ST3GAL4: variants seen among roughly 807,000 people sequenced by gnomAD.
The protein encoded by ST3GAL4 is ST3 beta-galactoside alpha-2,3-sialyltransferase 4.
A neutral mutation model predicts 42.6 loss-of-function variants in ST3GAL4; 24 were observed. The ratio of observed to expected loss-of-function variants is 0.56; its 90% CI spans 0.41 to 0.79. The LOEUF is 0.79. ST3GAL4 is among the 30% of genes least tolerant of loss of function. The pLI is 0.00. For missense variants in ST3GAL4, 311 were observed against 430.8 expected, an observed-to-expected ratio of 0.72 and a Z score of 2.46; for synonymous variants, 135 against 163.2, an observed-to-expected ratio of 0.83 and a Z score of 1.32.
intron 1 of ST3GAL4, among the ~76,000 whole-genome samples, chr11:126,367,535 G>C (rs1952478650): frequency 6.6e-6 from 1 of 152,166 alleles, no homozygotes; most frequent in Non-Finnish European, 1.5e-5. Context: ...GTACCTTCCA[G>C]GTCCTGAATG....
chr11:126,382,073 G>A (rs1044544657), intron 1 of ST3GAL4, among the ~76,000 whole-genome samples: 2 of 152,126 alleles, frequency 1.3e-5, no homozygotes, highest in Non-Finnish European at 2.9e-5. Context: ...GTGACCAGAC[G>A]TTCTCTCCTG....
At chr11:126,395,641 T>C (rs540275570) in intron 1 of ST3GAL4, among the ~76,000 whole-genome samples, 2 of 152,234 alleles carry the variant, frequency 1.3e-5, no homozygotes, top group East Asian at 3.9e-4. Context: ...CCCCAAGTTG[T>C]TCTCCTGGTA....
At chr11:126,404,013 C>G (rs1954123198) in intron 1 of ST3GAL4, among the ~76,000 whole-genome samples, 1 of 152,174 alleles carries the variant, frequency 6.6e-6, no homozygotes, top group South Asian at 2.1e-4. Context: ...TGAATTAACC[C>G]AGAATTTCTA....
Position 126,363,517 on chromosome 11 carries a change from C to T in ST3GAL4, c.-61+7675C>T, listed in dbSNP as rs780850614. On this transcript the variant is annotated intron_variant, in intron 1 of 10. Coordinates refer to ENST00000444328, the MANE Select transcript of ST3GAL4 (RefSeq NM_001254757.2). The surrounding 1 kb of genome is among the most constrained non-coding windows in gnomAD (Gnocchi z 4.6). ...CTCCTGTTGGCAGCTCCAGCATTTT[C>T]GAACAAAAATGGCTCTTCCAGGAGT... is the stretch of plus-strand genomic sequence containing the variant. 1.2e-4 allele frequency among the ~76,000 whole-genome samples: 18 copies of T among 152,268 alleles called. No homozygotes were observed. In the South Asian group the frequency reaches 1.4e-3, roughly 12 times the overall value.
At chr11:126,394,252 C>T (rs781367048) in intron 1 of ST3GAL4, among the ~76,000 whole-genome samples, 3 of 152,122 alleles carry the variant, frequency 2.0e-5, no homozygotes, top group African/African-American at 4.8e-5. Flanking sequence ...GAGGAGCGCC[C>T]GGGAGCCCCT....
At chr11:126,388,088 A>G (rs532461412) in intron 1 of ST3GAL4, among the ~76,000 whole-genome samples, 1 of 152,360 alleles carries the variant, frequency 6.6e-6, no homozygotes, top group East Asian at 1.9e-4. Flanking sequence ...GAAACATAGG[A>G]AACTTTGTAG....
intron 1 of ST3GAL4, among the ~76,000 whole-genome samples, chr11:126,380,205 T>G (rs1336015613): frequency 6.6e-6 from 1 of 150,714 alleles, no homozygotes; most frequent in Non-Finnish European, 1.5e-5. Context: ...GAGGTTGCAG[T>G]GTGCCGAGAT....
At chr11:126,362,162 G>A (rs972956869) in intron 1 of ST3GAL4, among the ~76,000 whole-genome samples, 3 of 147,944 alleles carry the variant, frequency 2.0e-5, no homozygotes, top group African/African-American at 7.5e-5. Context: ...GATTACAGGA[G>A]TGAGCCACCG....
rs536638206 is a variant in ST3GAL4 at position 126,393,854 on chromosome 11, C to T, written c.-60-12242C>T. 7.2e-5 allele frequency among the ~76,000 whole-genome samples: 11 copies of T among 152,272 alleles called. No homozygotes were observed. The South Asian group carries it at 1.0e-3, about 14-fold the overall frequency. On this transcript the variant is annotated intron_variant, in intron 1 of 10. Coordinates refer to ENST00000444328, the MANE Select transcript of ST3GAL4 (RefSeq NM_001254757.2). This position sits in a 1 kb window ranked among gnomAD's most constrained non-coding sequence, Gnocchi z 5.9. ...TTAAAAAGTAAAAATAGGTGAAATTCGTTTTAATATTTTAACCCAATATAG... is the reference window on the plus strand; with the variant it reads ...TTAAAAAGTAAAAATAGGTGAAATTTGTTTTAATATTTTAACCCAATATAG...
intron 1 of ST3GAL4, among the ~76,000 whole-genome samples, chr11:126,380,037 G>A (rs1304699401): frequency 2.0e-5 from 3 of 151,894 alleles, no homozygotes; most frequent in African/African-American, 4.8e-5. Flanking sequence ...TGAGGCGGGC[G>A]GATCACCTGA....
rs1413008185 is a variant in ST3GAL4, at chr11:126,392,908, C to G, written c.-60-13188C>G. ...CGGAAGAGAGGTCTGGGCTTGGGTC[C>G]CAACCACTGATTCCAGATCTCTCAA... On this transcript the variant is annotated intron_variant, in intron 1 of 10. Transcript: ENST00000444328. The surrounding 1 kb of genome is among the most constrained non-coding windows in gnomAD (Gnocchi z 5.8). 6.6e-6 allele frequency among the ~76,000 whole-genome samples: 1 copy of G among 151,688 alleles called. No homozygotes were observed. Among genetic ancestry groups the G allele is most frequent in the Non-Finnish European group, 1.5e-5 (1 of 67,954 alleles).
Position 126,392,208 on chromosome 11 carries a change from C to T in ST3GAL4, c.-60-13888C>T, listed in dbSNP as rs956630001. The stretch of plus-strand genomic sequence containing the variant: ...GGGGCTTGGTCCTGGGGTTTCATCT[C>T]AGGTTGACCCCCGTTAGGAGGAAGT... On this transcript the variant is annotated intron_variant, in intron 1 of 10. Transcript: ENST00000444328. This position sits in a 1 kb window ranked among gnomAD's most constrained non-coding sequence, Gnocchi z 5.8. 1 of 621,042 alleles carries T rather than the reference C, an allele frequency of 1.6e-6. No homozygotes were observed. The highest frequency in any genetic ancestry group is 2.0e-6 in the Non-Finnish European group (1 of 496,978). The allele number at this position is 621,042 out of a possible 1,614,324, so 38.5% of individuals were successfully genotyped here. A position where few individuals can be genotyped will look rare whatever the true frequency, so the allele number is the denominator to read the frequency against.
chr11:126,368,258 G>A (rs1277848908), intron 1 of ST3GAL4, among the ~76,000 whole-genome samples: 1 of 151,940 alleles, frequency 6.6e-6, no homozygotes, highest in East Asian at 1.9e-4. Context: ...CCCAGCACTT[G>A]GGGAGGCTGA....
chr11:126,388,660 G>GTTTTTTTTT (rs10599019), intron 1 of ST3GAL4, among the ~76,000 whole-genome samples: 45 of 79,250 alleles, frequency 5.7e-4, no homozygotes, highest in Non-Finnish European at 8.5e-4. Flanking sequence ...TAGGTTTCTT[G>GTTTTTTTTT]TTTTTTTTTT....
intron 1 of ST3GAL4, chr11:126,403,290 G>A (rs1954089638): frequency 1.4e-6 from 1 of 739,146 alleles, no homozygotes; most frequent in Non-Finnish European, 1.7e-6. Context: ...TGGGGAAGAG[G>A]TCGAAGAAGG....
At position 126,408,213 on chromosome 11, in the gene ST3GAL4, T is replaced by C. The variant is rs1222849867; in HGVS notation, c.437+19T>C. Reference sequence around the variant, plus strand: ...TCATCAGGTGTGTGTGACTGTCTCTTCCTACTGTTGTTTGGGAACTGGATG... The same window carrying C: ...TCATCAGGTGTGTGTGACTGTCTCTCCCTACTGTTGTTTGGGAACTGGATG... On this transcript the variant is annotated intron_variant, in intron 7 of 10. Coordinates refer to ENST00000444328, the MANE Select transcript of ST3GAL4 (RefSeq NM_001254757.2). The C allele has an allele frequency of 1.9e-5, 30 of 1,613,678 alleles. No homozygotes were observed. Among genetic ancestry groups the C allele is most frequent in the Non-Finnish European group, 2.5e-5 (30 of 1,179,746 alleles).
At chr11:126,402,108 A>C (rs1954031016) in intron 1 of ST3GAL4, among the ~76,000 whole-genome samples, 1 of 144,746 alleles carries the variant, frequency 6.9e-6, no homozygotes. Context: ...GAGGTAGGAG[A>C]GTCTAGACGT....
At chr11:126,362,212 T>C (rs1952265776) in intron 1 of ST3GAL4, among the ~76,000 whole-genome samples, 1 of 147,334 alleles carries the variant, frequency 6.8e-6, no homozygotes, top group Admixed American at 6.8e-5. Context: ...TTTTTTTTTT[T>C]TTTAAGACGG....
Position 126,391,936 on chromosome 11 carries a change from C to CATGTGTGTGTGTGTGTGT in ST3GAL4, c.-60-14160_-60-14159insATGTGTGTGTGTGTGTGT, listed in dbSNP as rs147051433. ...CTCAGAACACCTGTGATAACTTGGTCGTGTGTGTGTGTGTGTGTGTGTGTG... is the reference window on the plus strand; with the variant it reads ...CTCAGAACACCTGTGATAACTTGGTCATGTGTGTGTGTGTGTGTGTGTGTGTGTGTGTGTGTGTGTGTG... On this transcript the variant is annotated intron_variant, in intron 1 of 10. Coordinates refer to ENST00000444328, the MANE Select transcript of ST3GAL4 (RefSeq NM_001254757.2). This position sits in a 1 kb window ranked among gnomAD's most constrained non-coding sequence, Gnocchi z 5.5. Among the ~76,000 whole-genome samples the CATGTGTGTGTGTGTGTGT allele has an allele frequency of 1.4e-5, 2 of 144,390 alleles. No homozygotes were observed. The highest frequency in any genetic ancestry group is 5.2e-5 in the African/African-American group (2 of 38,114). 94.7% of individuals were successfully genotyped at this position (144,390 alleles called of 152,430 possible). A position where few individuals can be genotyped will look rare whatever the true frequency, so the allele number is the denominator to read the frequency against.
Sources: gnomAD v4.1 joint callset for allele counts (sites outside exome capture counted in the v4.1 genomes callset) on GRCh38, gnomAD v4.1.1 for gene constraint, Gnocchi (gnomAD v3.1) non-coding constraint, MANE v1.5 for transcripts, NCBI Gene and HGNC (gene_info 2026-07-23, HGNC 2026-07-21) for gene names.